DDX11: variants seen among roughly 807,000 people sequenced by gnomAD.
The protein encoded by DDX11 is DEAD/H-box helicase 11.
A neutral mutation model predicts 125.2 loss-of-function variants in DDX11; 72 were observed. That is an observed-to-expected ratio of 0.58 (90% confidence interval 0.48 to 0.70). The LOEUF is 0.70. Ranked by LOEUF, DDX11 falls within the 30% of genes least tolerant of loss-of-function variation. DDX11 has a pLI of 0.00. For missense variants in DDX11, 883 were observed against 1,165.0 expected (o/e 0.76, Z 3.52); for synonymous variants, 347 against 452.6 (o/e 0.77, Z 2.96).
rs763612105 is a variant in DDX11, at chr12:31,099,084, C to CTTTTTTTTTTTTTTTT, written c.1875+1093_1875+1108dup. 2.1e-3 allele frequency among the ~76,000 whole-genome samples: 131 copies of CTTTTTTTTTTTTTTTT among 63,710 alleles called. 2 individuals are homozygous for CTTTTTTTTTTTTTTTT. The highest frequency in any genetic ancestry group is 0.011 in the Middle Eastern group (1 of 94). The allele number at this position is 63,710 out of a possible 152,430, so 41.8% of individuals were successfully genotyped here. On this transcript the variant is annotated intron_variant, in intron 18 of 26. Coordinates refer to ENST00000542838, the MANE Select transcript of DDX11 (RefSeq NM_030653.4). ...CATACTGGTATTTCTTTCTTTCTTT[C>CTTTTTTTTTTTTTTTT]TTTTTTTTTTTTTTTTTTTTTGAGA...
At chr12:31,094,656 G>A in intron 13 of DDX11, 22 bp downstream of exon 13, 3 of 1,557,206 alleles carry the variant, frequency 1.9e-6, no homozygotes, top group Non-Finnish European at 2.6e-6. Flanking sequence ...GCCCTCAGAG[G>A]GCCCAGAGCT....
intron 10 of DDX11, among the ~76,000 whole-genome samples, chr12:31,092,300 G>A (rs139049445): frequency 2.0e-5 from 3 of 152,070 alleles, no homozygotes; most frequent in African/African-American, 7.3e-5. Context: ...GGTGTCTCTG[G>A]TCTTCACGCT....
In DDX11 at chr12:31,096,915, C is replaced by A; in HGVS notation, c.1687C>A (p.Leu563Met). Residue 563 changes from leucine to methionine, a missense_variant, in exon 17 of 27, where the codon CTG becomes ATG. By Grantham distance (15) the Leu-to-Met change is conservative. Transcript: ENST00000542838. ...QASTLRPASP[L>M]MHIQGFLAAL... ...CAGCACCCTGCGACCAGCTTCTCCA[C>A]TGATGCACATCCAAGGCTTCCTGGC... is the stretch of plus-strand genomic sequence containing the variant. 1 of 1,614,206 alleles carries A rather than the reference C, an allele frequency of 6.2e-7. No homozygotes were observed. Among genetic ancestry groups the A allele is most frequent in the Non-Finnish European group, 8.5e-7 (1 of 1,180,040 alleles).
chr12:31,074,271 G>A (rs569502553), intron 1 of DDX11, 180 bp downstream of exon 1: 1 of 152,394 alleles, frequency 6.6e-6, no homozygotes, highest in Admixed American at 6.5e-5. Flanking sequence ...TCTTAGATTT[G>A]GCCCAGCTGT....
chr12:31,085,161 G>A, intron 5 of DDX11, 35 bp downstream of exon 5: 2 of 1,549,452 alleles, frequency 1.3e-6, no homozygotes, highest in South Asian at 2.4e-5. Context: ...CCTGCCCCAG[G>A]CCAGGGGACA....
chr12:31,091,304 A>G (rs2543278), intron 9 of DDX11: 74,168 of 152,004 alleles, frequency 0.49, 19,995 homozygotes, highest in East Asian at 0.79. Context: ...GGAAAGCAAG[A>G]GTCAGAGAGG....
rs1186671305 is a variant in DDX11, at chr12:31,083,826, G to A, written c.158G>A (p.Ser53Asn). ...ESPTGTGKSL[S>N]LICGALSWLR... is the part of the protein sequence containing the mutation. ...TTCTTCCTGCAGGGGAAGTCCTTAA[G>A]TCTTATTTGTGGGGCCCTCTCTTGG... is the stretch of plus-strand genomic sequence containing the variant. The change falls in exon 3 of 27, where the codon AGT (serine) becomes AAT (asparagine). Residue 53 changes from serine to asparagine, a missense_variant. By Grantham distance (46) the Ser-to-Asn change is conservative. Around this residue, in one of 5 missense-constraint regions of DDX11, gnomAD observed 283 missense variants for 359.6 expected, o/e 0.79. Coordinates refer to ENST00000542838, the MANE Select transcript of DDX11 (RefSeq NM_030653.4). 2 of 1,612,068 alleles carry A rather than the reference G, an allele frequency of 1.2e-6. No individual in the cohort carries two copies. Among genetic ancestry groups the A allele is most frequent in the Admixed American group, 1.7e-5 (1 of 60,010 alleles).
intron 17 of DDX11, 121 bp downstream of exon 17, chr12:31,097,111 A>G: frequency 7.3e-7 from 1 of 1,364,754 alleles, no homozygotes; most frequent in Non-Finnish European, 1.0e-6. Flanking sequence ...AGGAGGAAGC[A>G]GTGCAGTGGG....
intron 5 of DDX11, chr12:31,086,213 G>C: frequency 2.3e-6 from 1 of 440,644 alleles, no homozygotes; most frequent in Non-Finnish European, 4.6e-6. Flanking sequence ...CCTGGCTCAG[G>C]TGTCGTCTTG....
intron 1 of DDX11, among the ~76,000 whole-genome samples, chr12:31,076,159 C>CAT (rs757765460): frequency 1.3e-5 from 2 of 152,108 alleles, no homozygotes; most frequent in Non-Finnish European, 2.9e-5. Flanking sequence ...AACGAGGAGA[C>CAT]ATGAAGACTT....
At chr12:31,085,511 C>T (rs1224985756) in intron 5 of DDX11, among the ~76,000 whole-genome samples, 1 of 152,270 alleles carries the variant, frequency 6.6e-6, no homozygotes, top group Non-Finnish European at 1.5e-5. Context: ...GCTGACTGCA[C>T]TGGGTAACCT....
chr12:31,103,895 A>G lies in DDX11; in HGVS notation c.*59A>G, dbSNP rs369405274. 9.7e-5 allele frequency: 157 copies of G among 1,613,810 alleles called. No homozygotes were observed. Among genetic ancestry groups the G allele is most frequent in the Non-Finnish European group, 1.2e-4 (146 of 1,179,860 alleles). On this transcript the variant is annotated 3_prime_UTR_variant, in exon 27 of 27. Transcript: ENST00000542838. ...TTCCTTTGTCCTGCCCGCTGGAGAC[A>G]GTGTTTGTCGTGGGCGTGGTCTGCG...
At chr12:31,086,725 T>C (rs61119439) in intron 5 of DDX11, among the ~76,000 whole-genome samples, 77,548 of 146,432 alleles carry the variant, frequency 0.53, 21,863 homozygotes, top group East Asian at 0.81. Flanking sequence ...GGTCAGCTTC[T>C]GGGGCTTCCC....
At chr12:31,092,023 A>G (rs1347808592) in intron 10 of DDX11, 152 bp downstream of exon 10, 1 of 1,090,074 alleles carries the variant, frequency 9.2e-7, no homozygotes, top group Non-Finnish European at 1.3e-6. Context: ...GAGGCTGACC[A>G]TGGCTTTCCA....
intron 20 of DDX11, 50 bp downstream of exon 20, chr12:31,101,180 G>T (rs756365049): frequency 1.3e-6 from 2 of 1,538,856 alleles, no homozygotes; most frequent in African/African-American, 2.7e-5. Flanking sequence ...AGGCAGCAAA[G>T]GGTTTTCTGG....
chr12:31,085,193 C>G lies in DDX11; in HGVS notation c.638+67C>G, dbSNP rs1352286041. The G allele has an allele frequency of 2.0e-6, 3 of 1,519,802 alleles. No individual in the cohort carries two copies. In the Admixed American group the frequency reaches 5.9e-5, roughly 30 times the overall value. The allele number at this position is 1,519,802 out of a possible 1,614,324, so 94.1% of individuals were successfully genotyped here. On this transcript the variant is annotated intron_variant, in intron 5 of 26. Transcript: ENST00000542838. ...GACACCCTTGAAGACAGCTCTTTCCCTCATGCCACAGATGCCATGAAGCAC... is the reference window on the plus strand; with the variant it reads ...GACACCCTTGAAGACAGCTCTTTCCGTCATGCCACAGATGCCATGAAGCAC...
In DDX11 at chr12:31,103,034, G is replaced by A; in HGVS notation, c.2457+14G>A. On this transcript the variant is annotated intron_variant, in intron 24 of 26. Transcript: ENST00000542838. ...GATCAAACCCTCGTGAGTGACCCCA[G>A]TGTCACAGAGGGTGACAGGAGAGTA... 1 of 1,612,814 alleles carries A rather than the reference G, an allele frequency of 6.2e-7. No homozygotes were observed. The highest frequency in any genetic ancestry group is 8.5e-7 in the Non-Finnish European group (1 of 1,178,802).
Position 31,103,369 on chromosome 12 carries a change from G to A in DDX11, c.2510G>A (p.Cys837Tyr). ...PPGKALVENL[C>Y]MKAVNQSIGR... ...GGGAAGGCTCTGGTGGAGAACCTGT[G>A]CATGAAGGCCGTCAACCAGTCCATA... Residue 837 changes from cysteine (C) to tyrosine (Y), a missense_variant, in exon 25 of 27, where the codon TGC (cysteine) becomes TAC (tyrosine). Physicochemically the swap from Cys to Tyr is radical, Grantham distance 194. This residue lies in a region of DDX11 where 285 missense variants were observed against 346.0 expected (regional missense o/e 0.82). Transcript: ENST00000542838. 1 of 1,610,542 alleles carries A rather than the reference G, an allele frequency of 6.2e-7. No homozygotes were observed. Among genetic ancestry groups the A allele is most frequent in the Non-Finnish European group, 8.5e-7 (1 of 1,179,250 alleles).
Position 31,082,040 on chromosome 12 carries a change from G to A in DDX11, c.145-1773G>A, listed in dbSNP as rs1026981760. 1.1e-4 allele frequency among the ~76,000 whole-genome samples: 12 copies of A among 112,568 alleles called. 1 individual carries two copies. The highest frequency in any genetic ancestry group is 1.9e-4 in the Non-Finnish European group (11 of 56,884). 73.8% of individuals were successfully genotyped at this position (112,568 alleles called of 152,430 possible). ...CAGGTGCTGCTGGGAAATGCTGCCT[G>A]GAACTCTTTGCCATTTACTTTCTAT... On this transcript the variant is annotated intron_variant, in intron 2 of 26. Coordinates refer to ENST00000542838, the MANE Select transcript of DDX11 (RefSeq NM_030653.4).
Sources: gnomAD v4.1 joint callset for allele counts (sites outside exome capture counted in the v4.1 genomes callset) on GRCh38, gnomAD v4.1.1 for gene constraint, gnomAD v4.1.1 regional missense constraint, MANE v1.5 for transcripts, NCBI Gene and HGNC (gene_info 2026-07-23, HGNC 2026-07-21) for gene names.